CNOT2: variants seen among roughly 807,000 people sequenced by gnomAD.
CNOT2 encodes CC chemokine receptor 4-negative regulator of transcription 2.
Under a neutral mutation model 72.1 loss-of-function variants are expected in CNOT2, and 7 were observed. The ratio of observed to expected loss-of-function variants is 0.10; its 90% confidence interval spans 0.06 to 0.18. CNOT2 has a LOEUF of 0.18. Among genes scored for constraint, CNOT2 ranks in the 10% least tolerant of loss-of-function variants. The pLI, the probability that CNOT2 is intolerant of heterozygous loss-of-function variation, is 1.00. For synonymous variants in CNOT2, 196 were observed against 225.6 expected, an observed-to-expected ratio of 0.87 and a Z score of 1.17; for missense variants, 345 against 660.3, an observed-to-expected ratio of 0.52 and a Z score of 5.23.
intron 2 of CNOT2, among the ~76,000 whole-genome samples, chr12:70,303,804 C>T (rs1361545889): frequency 6.6e-6 from 1 of 152,176 alleles, no homozygotes; most frequent in African/African-American, 2.4e-5. Context: ...TAATATCCTC[C>T]AGAGTGTTTT....
intron 8 of CNOT2, chr12:70,335,784 A>C (rs1381309433): frequency 2.9e-6 from 1 of 348,368 alleles, no homozygotes; most frequent in Admixed American, 4.4e-5. Flanking sequence ...TTGTACAAAA[A>C]CCCAAGAGGA....
At chr12:70,278,473 G>A (rs1372601002) in intron 2 of CNOT2, 199 bp downstream of exon 2, 4 of 457,766 alleles carry the variant, frequency 8.7e-6, no homozygotes, top group Non-Finnish European at 1.5e-5. Flanking sequence ...TATTCATAAT[G>A]TATATTTTTT....
At chr12:70,278,570 G>T (rs747906952) in intron 2 of CNOT2, 3 of 298,650 alleles carry the variant, frequency 1.0e-5, no homozygotes, top group African/African-American at 2.2e-5. Context: ...ATTCAAAATG[G>T]TAAAAACAAA....
chr12:70,323,489 A>G (rs754739610), intron 4 of CNOT2: 11 of 151,912 alleles, frequency 7.2e-5, no homozygotes, highest in Non-Finnish European at 1.5e-4. Context: ...GCTGTAGACT[A>G]TTTGGATATT....
At chr12:70,308,066 C>T (rs190121488) in intron 2 of CNOT2, among the ~76,000 whole-genome samples, 13 of 152,166 alleles carry the variant, frequency 8.5e-5, no homozygotes, top group Non-Finnish European at 1.2e-4. Flanking sequence ...CCTTCACCAC[C>T]TAAGTTCATG....
intron 5 of CNOT2, 37 bp downstream of exon 5, chr12:70,329,607 A>C: frequency 6.7e-7 from 1 of 1,499,434 alleles, no homozygotes; most frequent in Non-Finnish European, 9.3e-7. Flanking sequence ...TTCAAAATGT[A>C]TCTTGGTAGA....
chr12:70,260,853 ATT>A (rs55908570), intron 1 of CNOT2, among the ~76,000 whole-genome samples: 12 of 135,666 alleles, frequency 8.8e-5, no homozygotes, highest in Non-Finnish European at 8.0e-5. Context: ...GATGCATTCT[ATT>A]TTTTTTTTTT....
rs1869200297 is a variant in CNOT2 at position 70,278,288 on chromosome 12, T to G, written c.48+14T>G. The stretch of plus-strand genomic sequence containing the variant: ...AGAAACTACCAGGTAAGACCAGTCT[T>G]TCTTCTTTTTTCTCTATTGGTCTTA... On this transcript the variant is annotated intron_variant, in intron 2 of 15. Transcript: ENST00000229195. 1 of 1,562,238 alleles carries G rather than the reference T, an allele frequency of 6.4e-7. No individual in the cohort carries two copies. The highest frequency in any genetic ancestry group is 8.8e-7 in the Non-Finnish European group (1 of 1,132,882).
At chr12:70,269,058 G>A (rs555779483) in intron 1 of CNOT2, among the ~76,000 whole-genome samples, 2 of 152,016 alleles carry the variant, frequency 1.3e-5, no homozygotes, top group African/African-American at 4.8e-5. Flanking sequence ...TAACTTTTTG[G>A]CATATATTTT....
At chr12:70,311,751 T>C (rs532212012) in intron 3 of CNOT2, among the ~76,000 whole-genome samples, 2 of 152,124 alleles carry the variant, frequency 1.3e-5, no homozygotes, top group East Asian at 3.9e-4. Flanking sequence ...TTTGTACACC[T>C]GCCCAGCTTT....
rs1400500732 is a variant in CNOT2, at chr12:70,351,192, TTTG to T, written c.1537-2634_1537-2632del. ...TGATAATATTAGAAAAATTAAATGT[TTTG>T]TTCCTAAAACAAAGGAAGAAAGCTT... On this transcript the variant is annotated intron_variant, in intron 15 of 15. Coordinates refer to ENST00000229195, the MANE Select transcript of CNOT2 (RefSeq NM_014515.7). Among the ~76,000 whole-genome samples, 3 of 152,074 alleles carry T rather than the reference TTTG, an allele frequency of 2.0e-5. No homozygotes were observed. The East Asian group carries it at 5.8e-4, about 29-fold the overall frequency.
intron 7 of CNOT2, 169 bp from the exon 8 acceptor site, chr12:70,335,269 A>G (rs2272181): frequency 0.031 from 15,057 of 483,962 alleles, 771 homozygotes; most frequent in African/African-American, 0.15. Flanking sequence ...ATTCTTTGAC[A>G]TGAAATCAAT....
intron 2 of CNOT2, among the ~76,000 whole-genome samples, chr12:70,308,580 TCTCTCACA>T (rs1875873043): frequency 7.0e-6 from 1 of 141,952 alleles, no homozygotes; most frequent in South Asian, 2.3e-4. Flanking sequence ...TCTCTCTCTC[TCTCTCACA>T]CACACACACA....
chr12:70,310,639 A>G (rs140236586), intron 2 of CNOT2, among the ~76,000 whole-genome samples: 1 of 152,208 alleles, frequency 6.6e-6, no homozygotes, highest in African/African-American at 2.4e-5. Context: ...AGGTATACTT[A>G]GTTTTTTAAA....
At chr12:70,290,450 C>T (rs1313415918) in intron 2 of CNOT2, among the ~76,000 whole-genome samples, 1 of 152,174 alleles carries the variant, frequency 6.6e-6, no homozygotes, top group Non-Finnish European at 1.5e-5. Context: ...TGGAATCCCT[C>T]TCCCTCACTG....
At chr12:70,285,440 T>A (rs950702547) in intron 2 of CNOT2, 2 of 151,868 alleles carry the variant, frequency 1.3e-5, no homozygotes, top group Non-Finnish European at 2.9e-5. Flanking sequence ...ATGGTCTCGA[T>A]CTCCTGACTT....
intron 15 of CNOT2, among the ~76,000 whole-genome samples, chr12:70,346,841 G>A (rs1882233323): frequency 6.6e-6 from 1 of 152,120 alleles, no homozygotes; most frequent in East Asian, 1.9e-4. Context: ...ATGGAGAAAT[G>A]TTGATTATTT....
chr12:70,306,967 T>C (rs4761195), intron 2 of CNOT2, among the ~76,000 whole-genome samples: 24,062 of 152,218 alleles, frequency 0.16, 2,173 homozygotes, highest in Admixed American at 0.28. Flanking sequence ...ATTTGTGTAT[T>C]TAAACATACC....
intron 1 of CNOT2, among the ~76,000 whole-genome samples, chr12:70,246,147 C>G (rs1171082822): frequency 6.6e-6 from 1 of 152,110 alleles, no homozygotes; most frequent in Non-Finnish European, 1.5e-5. Context: ...CATTAATAGA[C>G]CAATGAAAAG....
Sources: gnomAD v4.1 joint callset for allele counts (sites outside exome capture counted in the v4.1 genomes callset) on GRCh38, gnomAD v4.1.1 for gene constraint, MANE v1.5 for transcripts, NCBI Gene and HGNC (gene_info 2026-07-23, HGNC 2026-07-21) for gene names.